Variants in RALGDS observed in about 807,000 individuals in gnomAD.
RALGDS encodes the protein ral guanine nucleotide exchange factor.
A neutral mutation model predicts 99.8 loss-of-function variants in RALGDS; 44 were observed. The ratio of observed to expected loss-of-function variants is 0.44; its 90% CI spans 0.35 to 0.57. The LOEUF (loss-of-function observed/expected upper bound fraction) is 0.57. RALGDS is among the 20% of genes least tolerant of loss of function. The probability of loss-of-function intolerance (pLI) is 0.01; values close to 1 mark genes in which losing one functional copy is unlikely to be tolerated. For missense variants in RALGDS, 1,022 were observed against 1,203.1 expected, an observed-to-expected ratio of 0.85 and a Z score of 2.23; for synonymous variants, 529 against 505.0, an observed-to-expected ratio of 1.05 and a Z score of -0.64.
upstream of RALGDS, among the ~76,000 whole-genome samples, chr9:133,135,404 T>C (rs1439646881): frequency 6.6e-6 from 1 of 152,138 alleles, no homozygotes. Flanking sequence ...CCGGCCCCTA[T>C]TACCAGCCCA....
intron 1 of RALGDS, among the ~76,000 whole-genome samples, chr9:133,142,732 C>T (rs1832544362): frequency 6.6e-6 from 1 of 152,222 alleles, no homozygotes; most frequent in Non-Finnish European, 1.5e-5. Context: ...TTCATTAGAG[C>T]AGGGAGACGA....
In RALGDS at chr9:133,098,182, G is replaced by A. The variant is rs1275619419; in HGVS notation, c.*405C>T. ...CTGCGAAGGTCACAGGCCAGTGCCT[G>A]TGGGCATGAGAGAACTGCAGTGGTC... On this transcript the variant is annotated 3_prime_UTR_variant, in exon 18 of 18. Transcript: ENST00000372050. The A allele has an allele frequency of 8.4e-6, 3 of 357,710 alleles. No individual in the cohort carries two copies. The highest frequency in any genetic ancestry group is 6.1e-5 in the African/African-American group (3 of 49,084). The allele number at this position is 357,710 out of a possible 1,614,324, so 22.2% of individuals were successfully genotyped here. A position where few individuals can be genotyped will look rare whatever the true frequency, so the allele number is the denominator to read the frequency against.
At chr9:133,129,248 A>T (rs1317207873) in intron 1 of RALGDS, 1 of 1,597,048 alleles carries the variant, frequency 6.3e-7, no homozygotes, top group Admixed American at 1.7e-5. Context: ...GACACAGGCA[A>T]AGAACACAGA....
At chr9:133,143,224 C>T (rs569981195) in intron 1 of RALGDS, among the ~76,000 whole-genome samples, 2 of 152,338 alleles carry the variant, frequency 1.3e-5, no homozygotes, top group South Asian at 4.1e-4. Context: ...AGGCTCGCAG[C>T]CCATGCCTTC....
chr9:133,107,025 G>T, intron 7 of RALGDS, 60 bp downstream of exon 7: 1 of 1,582,452 alleles, frequency 6.3e-7, no homozygotes, highest in South Asian at 1.1e-5. Context: ...TTGGACTGCA[G>T]ACCACAACCT....
At chr9:133,098,856 A>C in intron 17 of RALGDS, 94 bp from the exon 18 acceptor site, 1 of 1,297,500 alleles carries the variant, frequency 7.7e-7, no homozygotes, top group Non-Finnish European at 1.1e-6. Context: ...GACTGTCTTG[A>C]GCCACAGACC....
chr9:133,133,896 C>T (rs532312948), upstream of RALGDS, among the ~76,000 whole-genome samples: 1 of 152,200 alleles, frequency 6.6e-6, no homozygotes, highest in Non-Finnish European at 1.5e-5. Flanking sequence ...GTGCAGCTGT[C>T]GCTAGGAGCT....
intron 1 of RALGDS, among the ~76,000 whole-genome samples, chr9:133,113,601 A>G (rs909282941): frequency 2.0e-5 from 3 of 152,192 alleles, no homozygotes; most frequent in African/African-American, 4.8e-5. Context: ...CCTTCCACTG[A>G]CAGGAAAAGA....
At chr9:133,136,600 C>T (rs904366236) in intron 1 of RALGDS, among the ~76,000 whole-genome samples, 1 of 151,980 alleles carries the variant, frequency 6.6e-6, no homozygotes, top group Non-Finnish European at 1.5e-5. Flanking sequence ...ATGGTGAAAC[C>T]CTGTTTCTAC....
intron 7 of RALGDS, 29 bp from the exon 8 acceptor site, chr9:133,106,777 G>A (rs1394498173): frequency 6.5e-7 from 1 of 1,535,336 alleles, no homozygotes; most frequent in Non-Finnish European, 9.0e-7. Context: ...GAGGCATGAG[G>A]TGGGGCTGGA....
At chr9:133,129,377 C>A in intron 1 of RALGDS, 2 of 1,482,546 alleles carry the variant, frequency 1.3e-6, no homozygotes, top group South Asian at 2.6e-5. Flanking sequence ...CCAGTGTGCT[C>A]GTCGCCTGCG....
upstream of RALGDS, among the ~76,000 whole-genome samples, chr9:133,133,844 G>A (rs1318392188): frequency 6.6e-6 from 1 of 152,208 alleles, no homozygotes; most frequent in Admixed American, 6.5e-5. Flanking sequence ...CTAGGTAGGG[G>A]CAGGCCCTGG....
chr9:133,098,669 C>G lies in RALGDS; in HGVS notation c.2663G>C (p.Gly888Ala), dbSNP rs1375528516. The G allele has an allele frequency of 6.2e-7, 1 of 1,613,740 alleles. No homozygotes were observed. Among genetic ancestry groups the G allele is most frequent in the Non-Finnish European group, 8.5e-7 (1 of 1,179,760 alleles). ...FVLKKRTFTK[G>A]VKVKHGASST... ...GCTGGCTCCGTGCTTGACCTTCACTCCCTTGGTGAAGGTCCGCTTCTTGAG... is the reference window on the plus strand; with the variant it reads ...GCTGGCTCCGTGCTTGACCTTCACTGCCTTGGTGAAGGTCCGCTTCTTGAG... The change falls in exon 18 of 18, where the codon GGA (glycine) becomes GCA (alanine). Residue 888 changes from glycine to alanine, a missense_variant. This residue lies in a region of RALGDS where 825 missense variants were observed against 994.5 expected (regional missense o/e 0.83). Transcript: ENST00000372050.
rs1296767830 is a variant in RALGDS at position 133,104,438 on chromosome 9, C to G, written c.1603-107G>C. 2.7e-5 allele frequency: 27 copies of G among 1,016,196 alleles called. 1 individual carries two copies. In the South Asian group the frequency reaches 2.9e-4, roughly 11 times the overall value. 62.9% of individuals were successfully genotyped at this position (1,016,196 alleles called of 1,614,324 possible). A position where few individuals can be genotyped will look rare whatever the true frequency, so the allele number is the denominator to read the frequency against. On this transcript the variant is annotated intron_variant, in intron 9 of 17. Transcript: ENST00000372050. The stretch of plus-strand genomic sequence containing the variant: ...TCGGGTTCCAGGGCTGACCCTGTAT[C>G]AATACTCACTAGTGTGGGGTCCTGG...
upstream of RALGDS, among the ~76,000 whole-genome samples, chr9:133,121,600 T>G (rs548549198): frequency 6.7e-4 from 102 of 152,190 alleles, no homozygotes; most frequent in African/African-American, 2.4e-3. Flanking sequence ...TGATCATGTG[T>G]GGGGAAGCCG....
chr9:133,141,551 C>T (rs1312696445), intron 1 of RALGDS, among the ~76,000 whole-genome samples: 1 of 144,404 alleles, frequency 6.9e-6, no homozygotes, highest in African/African-American at 2.5e-5. Flanking sequence ...CTAGGATGCC[C>T]AGCAATAAGC....
intron 14 of RALGDS, 121 bp downstream of exon 14, chr9:133,102,355 G>T: frequency 1.6e-6 from 2 of 1,214,034 alleles, no homozygotes; most frequent in Non-Finnish European, 1.2e-6. Flanking sequence ...CAGTCTCAGG[G>T]CCAGTCAGCA....
chr9:133,110,633 G>T, intron 2 of RALGDS, 144 bp from the exon 3 acceptor site: 1 of 785,756 alleles, frequency 1.3e-6, no homozygotes, highest in Non-Finnish European at 2.1e-6. Flanking sequence ...AGCTTTAAAA[G>T]TAGAATTTCA....
chr9:133,105,107 GC>G (rs1445613453), intron 9 of RALGDS, among the ~76,000 whole-genome samples: 1 of 152,186 alleles, frequency 6.6e-6, no homozygotes, highest in African/African-American at 2.4e-5. Flanking sequence ...TCTCGTGCAT[GC>G]CAGGGCCCCC....
Sources: allele counts gnomAD v4.1 joint callset (sites outside exome capture counted in the v4.1 genomes callset), GRCh38; gene constraint gnomAD v4.1.1; regional missense constraint gnomAD v4.1.1; transcripts MANE v1.5; gene names NCBI Gene and HGNC (gene_info 2026-07-23, HGNC 2026-07-21).